SHLD2: variants seen among roughly 807,000 people sequenced by gnomAD.
SHLD2 encodes RINN1-REV7-interacting novel NHEJ regulator 2.
Under a neutral mutation model 73.2 loss-of-function variants are expected in SHLD2, and 30 were observed. The ratio of observed to expected loss-of-function variants is 0.41; its 90% CI spans 0.31 to 0.56. SHLD2 has a LOEUF of 0.56. SHLD2 is among the 20% of genes least tolerant of loss of function. The pLI is 0.28. For missense variants in SHLD2, 745 were observed against 1,055.9 expected, an observed-to-expected ratio of 0.71 and a Z score of 4.08; for synonymous variants, 285 against 370.1, an observed-to-expected ratio of 0.77 and a Z score of 2.64.
intron 2 of SHLD2, among the ~76,000 whole-genome samples, chr10:87,124,571 G>A (rs1320807694): frequency 6.6e-6 from 1 of 152,070 alleles, no homozygotes; most frequent in Non-Finnish European, 1.5e-5. Context: ...AAGATACCAC[G>A]TTAATTGTTT....
At chr10:87,125,555 TG>T (rs1489902955) in intron 2 of SHLD2, among the ~76,000 whole-genome samples, 2 of 152,104 alleles carry the variant, frequency 1.3e-5, no homozygotes. Flanking sequence ...GCCAACAGGG[TG>T]AAACCCCGTC....
chr10:87,159,488 C>T (rs1846661894), intron 4 of SHLD2, among the ~76,000 whole-genome samples: 1 of 152,066 alleles, frequency 6.6e-6, no homozygotes, highest in Non-Finnish European at 1.5e-5. Context: ...ATGAAACAGA[C>T]ATATAAGTAA....
At chr10:87,134,436 T>C (rs1401572653) in intron 2 of SHLD2, among the ~76,000 whole-genome samples, 1 of 152,048 alleles carries the variant, frequency 6.6e-6, no homozygotes, top group African/African-American at 2.4e-5. Context: ...AAATCAGATT[T>C]TTAATGGCCA....
chr10:87,175,963 C>T lies in SHLD2; in HGVS notation c.2038C>T (p.Pro680Ser). 1 of 1,550,300 alleles carries T rather than the reference C, an allele frequency of 6.5e-7. No homozygotes were observed. The highest frequency in any genetic ancestry group is 1.4e-5 in the African/African-American group (1 of 73,008). Residue 680 changes from proline (P) to serine (S), a missense_variant, in exon 7 of 10, where the codon CCT (proline) becomes TCT (serine). This residue lies in a region of SHLD2 where 418 missense variants were observed against 567.8 expected (regional missense o/e 0.74). Transcript: ENST00000298786. Reference sequence around the variant, plus strand: ...AGAAAACCTAGAATTGCATACAACGCCTTGGTCATCCTGTGAGTGCTTGTT... The same window carrying T: ...AGAAAACCTAGAATTGCATACAACGTCTTGGTCATCCTGTGAGTGCTTGTT... ...TLENLELHTT[P>S]WSSCECLFDD... is the part of the protein sequence containing the mutation.
chr10:87,137,795 G>A (rs1564591893), intron 2 of SHLD2, among the ~76,000 whole-genome samples: 1 of 152,122 alleles, frequency 6.6e-6, no homozygotes, highest in Non-Finnish European at 1.5e-5. Context: ...TAATCAAACT[G>A]CTGAAAATTG....
intron 4 of SHLD2, among the ~76,000 whole-genome samples, chr10:87,165,942 G>C (rs1283863630): frequency 4.6e-5 from 7 of 152,052 alleles, no homozygotes; most frequent in Non-Finnish European, 1.0e-4. Context: ...AGCTGTATAC[G>C]ATCATCTCAA....
At chr10:87,147,235 T>G (rs1047113377) in intron 2 of SHLD2, among the ~76,000 whole-genome samples, 4 of 152,112 alleles carry the variant, frequency 2.6e-5, no homozygotes, top group African/African-American at 9.7e-5. Context: ...GTCTGAAGTT[T>G]GGGAGAGAGA....
At chr10:87,116,541 A>G (rs1457846080) in intron 2 of SHLD2, among the ~76,000 whole-genome samples, 2 of 152,150 alleles carry the variant, frequency 1.3e-5, no homozygotes, top group African/African-American at 4.8e-5. Context: ...GTGGCAGGTG[A>G]GAATTCGGGA....
intron 8 of SHLD2, among the ~76,000 whole-genome samples, chr10:87,180,731 T>C (rs1235121759): frequency 1.3e-5 from 2 of 152,202 alleles, no homozygotes; most frequent in Non-Finnish European, 2.9e-5. Context: ...AAATTAAAGC[T>C]AGCAAATAAA....
Position 87,176,042 on chromosome 10 carries a change from C to T in SHLD2, c.2117C>T (p.Pro706Leu). Residue 706 changes from proline (P) to leucine (L), a missense_variant, in exon 7 of 10, where the codon CCC becomes CTC. By Grantham distance (98) the Pro-to-Leu change is moderately conservative. Around this residue, in one of 5 missense-constraint regions of SHLD2, gnomAD observed 418 missense variants for 567.8 expected, o/e 0.74. Transcript: ENST00000298786. ...AAAGCAAAATTTCAAAAAAGTGCAC[C>T]CTCCTTTGTGAAGATATCAGACTTA... is the stretch of plus-strand genomic sequence containing the variant. Reference protein sequence around the residue: ...TFKAKFQKSAPSFVKISDLAT... With the variant: ...TFKAKFQKSALSFVKISDLAT... 6.5e-7 allele frequency: 1 copy of T among 1,548,118 alleles called. No individual in the cohort carries two copies. The highest frequency in any genetic ancestry group is 8.7e-7 in the Non-Finnish European group (1 of 1,146,720).
rs146657981 is a variant in SHLD2 at position 87,158,132 on chromosome 10, A to G, written c.1610A>G (p.Tyr537Cys). 1.4e-4 allele frequency: 219 copies of G among 1,611,228 alleles called. 1 individual carries two copies. The African/African-American group carries it at 2.5e-3, about 18-fold the overall frequency. The change falls in exon 4 of 10, where the codon TAT becomes TGT. Residue 537 changes from tyrosine (Y) to cysteine (C), a missense_variant. By Grantham distance (194) the Tyr-to-Cys change is radical (BLOSUM62 -2). Around this residue, in one of 5 missense-constraint regions of SHLD2, gnomAD observed 418 missense variants for 567.8 expected, o/e 0.74. Transcript: ENST00000298786. ...AGTCAGTTATTAAATCTTGGGAGTT[A>G]TTCATCTATTCAGCCTGAAGAATGT... ...FSSQLLNLGS[Y>C]SSIQPEEYSS...
chr10:87,104,234 C>T (rs1029036970), intron 2 of SHLD2, among the ~76,000 whole-genome samples: 10 of 134,546 alleles, frequency 7.4e-5, no homozygotes, highest in Admixed American at 6.4e-4. Context: ...AAGACTCCAT[C>T]TCAAAAAAGA....
At position 87,152,891 on chromosome 10, in the gene SHLD2, A is replaced by G. The variant is rs775064359; in HGVS notation, c.1525+12A>G. Reference sequence around the variant, plus strand: ...AATTTTACTCACAGGTGAGGTCATTATGGTATAGTGGTAGCTTATTTTATA... The same window carrying G: ...AATTTTACTCACAGGTGAGGTCATTGTGGTATAGTGGTAGCTTATTTTATA... On this transcript the variant is annotated intron_variant, in intron 3 of 9. Coordinates refer to ENST00000298786, the MANE Select transcript of SHLD2 (RefSeq NM_001330112.2). 18 of 1,605,722 alleles carry G rather than the reference A, an allele frequency of 1.1e-5. No individual in the cohort carries two copies. The Middle Eastern group carries it at 9.1e-4, about 81-fold the overall frequency.
intron 2 of SHLD2, among the ~76,000 whole-genome samples, chr10:87,117,591 T>G (rs968092872): frequency 1.3e-5 from 2 of 152,158 alleles, no homozygotes; most frequent in African/African-American, 4.8e-5. Flanking sequence ...CCCAGGAGTT[T>G]GAAACCAGCC....
intron 2 of SHLD2, among the ~76,000 whole-genome samples, chr10:87,119,491 G>A (rs895715441): frequency 7.9e-5 from 12 of 152,118 alleles, no homozygotes; most frequent in Middle Eastern, 3.4e-3. Context: ...GCCGGGCGCC[G>A]GTGGCTCACG....
chr10:87,177,698 G>C (rs1589654397), intron 7 of SHLD2, among the ~76,000 whole-genome samples: 1 of 152,098 alleles, frequency 6.6e-6, no homozygotes, highest in Non-Finnish European at 1.5e-5. Flanking sequence ...GCATTTCCTA[G>C]AAGGGTCTGC....
intron 4 of SHLD2, 132 bp downstream of exon 4, chr10:87,158,287 T>C: frequency 1.2e-6 from 1 of 851,476 alleles, no homozygotes; most frequent in Non-Finnish European, 1.7e-6. Context: ...TTCTTTTCAT[T>C]AGTAAGAATG....
intron 4 of SHLD2, among the ~76,000 whole-genome samples, chr10:87,161,242 A>G (rs893612273): frequency 2.0e-5 from 3 of 152,096 alleles, no homozygotes; most frequent in African/African-American, 7.2e-5. Context: ...GCTTGAGCCC[A>G]GGAATTCAAG....
In SHLD2 at chr10:87,176,012, C is replaced by A; in HGVS notation, c.2087C>A (p.Thr696Lys). Reference sequence around the variant, plus strand: ...TTTGATGATGATATAAGGGCAATTACATTTAAAGCAAAATTTCAAAAAAGT... The same window carrying A: ...TTTGATGATGATATAAGGGCAATTAAATTTAAAGCAAAATTTCAAAAAAGT... ...CLFDDDIRAI[T>K]FKAKFQKSAP... Residue 696 changes from threonine (T) to lysine (K), a missense_variant, in exon 7 of 10, where the codon ACA becomes AAA. By Grantham distance (78) the Thr-to-Lys change is moderately conservative. Transcript: ENST00000298786. The A allele has an allele frequency of 6.5e-7, 1 of 1,549,028 alleles. No homozygotes were observed.
Sources: gnomAD v4.1 joint callset for allele counts (sites outside exome capture counted in the v4.1 genomes callset) on GRCh38, gnomAD v4.1.1 for gene constraint, gnomAD v4.1.1 regional missense constraint, MANE v1.5 for transcripts, NCBI Gene and HGNC (gene_info 2026-07-23, HGNC 2026-07-21) for gene names.